Variants in ROBO1 observed in about 807,000 individuals in gnomAD.
The protein encoded by ROBO1 is roundabout homolog 1.
ROBO1 carries 149 observed loss-of-function variants against 195.9 expected under a neutral mutation model. The observed-to-expected ratio is 0.76, with a 90% confidence interval of 0.67 to 0.87. The LOEUF (loss-of-function observed/expected upper bound fraction) is 0.87, where lower values mean the gene tolerates loss of function less well. Ranked by LOEUF, ROBO1 falls within the 40% of genes least tolerant of loss-of-function variation. The probability of loss-of-function intolerance (pLI) is 0.00; values close to 1 mark genes in which losing one functional copy is unlikely to be tolerated. For synonymous variants in ROBO1, 816 were observed against 733.2 expected (o/e 1.11, Z -1.82); for missense variants, 1,933 against 2,068.3 (o/e 0.93, Z 1.27).
At chr3:78,831,363 A>G (rs1247651370) in intron 4 of ROBO1, among the ~76,000 whole-genome samples, 1 of 152,194 alleles carries the variant, frequency 6.6e-6, no homozygotes, top group Non-Finnish European at 1.5e-5. Flanking sequence ...CCATAAATAC[A>G]TAAATATATA....
chr3:78,776,419 T>C (rs1576142849), intron 4 of ROBO1, among the ~76,000 whole-genome samples: 1 of 152,162 alleles, frequency 6.6e-6, no homozygotes, highest in East Asian at 1.9e-4. Context: ...ACCCAGCTAA[T>C]TGTGTAGTTT....
chr3:79,309,210 CTACATGTTTATAATAAACT>C (rs1200629771), intron 2 of ROBO1, among the ~76,000 whole-genome samples: 1 of 152,128 alleles, frequency 6.6e-6, no homozygotes, highest in African/African-American at 2.4e-5. Context: ...CATCTCAGAA[CTACATGTTTATAATAAACT>C]TAAAATCTGA....
At chr3:79,163,475 G>A (rs374848175) in intron 2 of ROBO1, among the ~76,000 whole-genome samples, 3 of 152,076 alleles carry the variant, frequency 2.0e-5, no homozygotes, top group Admixed American at 6.6e-5. Flanking sequence ...TGTGAATAAC[G>A]CAGCTATGAA....
At chr3:78,680,361 A>C (rs1424113757) in intron 10 of ROBO1, among the ~76,000 whole-genome samples, 1 of 152,220 alleles carries the variant, frequency 6.6e-6, no homozygotes, top group Non-Finnish European at 1.5e-5. Flanking sequence ...GAGCTTCTGC[A>C]CAGCAAAAGA....
chr3:79,337,471 C>T (rs2034726815), intron 2 of ROBO1, among the ~76,000 whole-genome samples: 1 of 152,142 alleles, frequency 6.6e-6, no homozygotes, highest in South Asian at 2.1e-4. Context: ...CTCTCTCCTG[C>T]CACCATGTGA....
At chr3:78,874,107 A>G (rs1388405499) in intron 4 of ROBO1, among the ~76,000 whole-genome samples, 3 of 151,984 alleles carry the variant, frequency 2.0e-5, no homozygotes, top group Non-Finnish European at 4.4e-5. Flanking sequence ...TGCATTTTCA[A>G]AACAATATAT....
At chr3:79,493,081 G>T (rs1939552203) in intron 2 of ROBO1, among the ~76,000 whole-genome samples, 1 of 151,702 alleles carries the variant, frequency 6.6e-6, no homozygotes, top group Non-Finnish European at 1.5e-5. Flanking sequence ...AATACATCAG[G>T]CTTTATTAAT....
At chr3:79,148,998 A>C (rs1322703727) in intron 2 of ROBO1, among the ~76,000 whole-genome samples, 1 of 151,870 alleles carries the variant, frequency 6.6e-6, no homozygotes, top group Non-Finnish European at 1.5e-5. Context: ...AGCAATTGGG[A>C]CTTAACACTT....
At chr3:79,112,348 C>T (rs1464768255) in intron 3 of ROBO1, among the ~76,000 whole-genome samples, 1 of 152,012 alleles carries the variant, frequency 6.6e-6, no homozygotes, top group East Asian at 1.9e-4. Flanking sequence ...AAGGCTTTGT[C>T]GTGTTTGTTC....
chr3:79,308,377 G>A (rs1179691774), intron 2 of ROBO1, among the ~76,000 whole-genome samples: 3 of 152,134 alleles, frequency 2.0e-5, no homozygotes, highest in African/African-American at 7.2e-5. Flanking sequence ...ATTTACTTTT[G>A]TGAAAAATGT....
intron 3 of ROBO1, among the ~76,000 whole-genome samples, chr3:79,113,866 AATG>A (rs2079939465): frequency 6.6e-6 from 1 of 152,182 alleles, no homozygotes; most frequent in South Asian, 2.1e-4. Context: ...GATCTCAGAT[AATG>A]ATGATTATTG....
At chr3:79,278,251 A>G (rs76258955) in intron 2 of ROBO1, among the ~76,000 whole-genome samples, 1 of 152,164 alleles carries the variant, frequency 6.6e-6, no homozygotes, top group Non-Finnish European at 1.5e-5. Flanking sequence ...ATATGAATCT[A>G]CAGATTCAAT....
intron 5 of ROBO1, among the ~76,000 whole-genome samples, chr3:78,743,218 T>C (rs577965997): frequency 8.5e-5 from 13 of 152,262 alleles, no homozygotes; most frequent in African/African-American, 3.1e-4. Flanking sequence ...CCAGTCTGTC[T>C]TGAACTGTTC....
intron 4 of ROBO1, among the ~76,000 whole-genome samples, chr3:78,803,088 T>G (rs573330363): frequency 1.3e-5 from 2 of 152,156 alleles, no homozygotes; most frequent in East Asian, 1.9e-4. Context: ...AATTTGCCAT[T>G]GTAGATAAAA....
intron 1 of ROBO1, among the ~76,000 whole-genome samples, chr3:79,680,342 G>C (rs1024563628): frequency 2.6e-5 from 4 of 152,020 alleles, no homozygotes; most frequent in Non-Finnish European, 5.9e-5. Flanking sequence ...CTACGAGACA[G>C]TCATTTCTTT....
intron 2 of ROBO1, among the ~76,000 whole-genome samples, chr3:79,578,688 C>A (rs1243316978): frequency 2.0e-5 from 3 of 152,138 alleles, no homozygotes; most frequent in African/African-American, 7.2e-5. Context: ...GCCTAATAAT[C>A]ATAATATGCA....
chr3:78,880,496 G>A (rs1393162188), intron 4 of ROBO1, among the ~76,000 whole-genome samples: 1 of 151,884 alleles, frequency 6.6e-6, no homozygotes, highest in Admixed American at 6.6e-5. Flanking sequence ...AAATTAACAT[G>A]GTAATAATAA....
intron 1 of ROBO1, among the ~76,000 whole-genome samples, chr3:79,690,354 A>C (rs1576236453): frequency 6.6e-6 from 1 of 152,108 alleles, no homozygotes; most frequent in East Asian, 1.9e-4. Flanking sequence ...AAGAGTGATG[A>C]GAGGACAAGA....
chr3:78,880,035 G>T (rs536616617), intron 4 of ROBO1, among the ~76,000 whole-genome samples: 1 of 152,058 alleles, frequency 6.6e-6, no homozygotes, highest in Admixed American at 6.6e-5. Context: ...ATGTAAAATA[G>T]AACCTGTAAT....
Sources: allele counts gnomAD v4.1 joint callset (sites outside exome capture counted in the v4.1 genomes callset), GRCh38; gene constraint gnomAD v4.1.1; transcripts MANE v1.5; gene names NCBI Gene and HGNC (gene_info 2026-07-23, HGNC 2026-07-21).